LCMT1: variants seen among roughly 807,000 people sequenced by gnomAD.
LCMT1 encodes [Phosphatase 2A protein]-leucine-carboxy methyltransferase 1.
LCMT1 carries 32 observed loss-of-function variants against 47.7 expected under a neutral mutation model. The ratio of observed to expected loss-of-function variants is 0.67; its 90% confidence interval spans 0.51 to 0.90. LCMT1 has a LOEUF of 0.90. Ranked by LOEUF, LCMT1 falls within the 40% of genes least tolerant of loss-of-function variation. The probability of loss-of-function intolerance (pLI) is 0.00; values close to 1 mark genes in which losing one functional copy is unlikely to be tolerated. For synonymous variants in LCMT1, 152 were observed against 149.7 expected (o/e 1.02, Z -0.11); for missense variants, 375 against 415.2 (o/e 0.90, Z 0.84).
intron 4 of LCMT1, among the ~76,000 whole-genome samples, chr16:25,149,781 G>GGT (rs1961013642): frequency 6.6e-6 from 1 of 151,814 alleles, no homozygotes; most frequent in African/African-American, 2.4e-5. Context: ...AGGCATGTTG[G>GGT]GTGCATCTAT....
At chr16:25,152,845 G>C (rs759143191) in intron 5 of LCMT1, among the ~76,000 whole-genome samples, 1 of 152,116 alleles carries the variant, frequency 6.6e-6, no homozygotes, top group Non-Finnish European at 1.5e-5. Context: ...TTTTAATTAT[G>C]ACTGTGTCTT....
chr16:25,132,187 T>C (rs1960366854), intron 2 of LCMT1: 2 of 559,462 alleles, frequency 3.6e-6, no homozygotes, highest in Non-Finnish European at 6.5e-6. Context: ...AATTGCTTCA[T>C]GAAATAGATT....
chr16:25,136,076 G>A (rs2141657056), intron 3 of LCMT1, among the ~76,000 whole-genome samples: 1 of 142,574 alleles, frequency 7.0e-6, no homozygotes, highest in East Asian at 2.1e-4. Flanking sequence ...GGGTGTCCAA[G>A]CGAGATGCTG....
chr16:25,122,938 C>T (rs115506993), intron 1 of LCMT1, among the ~76,000 whole-genome samples: 1 of 152,064 alleles, frequency 6.6e-6, no homozygotes, highest in Non-Finnish European at 1.5e-5. Flanking sequence ...GCACTTGCCA[C>T]TGTGCCCAGC....
chr16:25,137,334 C>T (rs923711216), intron 3 of LCMT1, among the ~76,000 whole-genome samples: 4 of 150,806 alleles, frequency 2.7e-5, no homozygotes, highest in Non-Finnish European at 4.4e-5. Flanking sequence ...GCACCTGGCC[C>T]CCCTCAAGTA....
chr16:25,140,460 C>G (rs1016868717), intron 4 of LCMT1: 1 of 530,590 alleles, frequency 1.9e-6, no homozygotes, highest in Non-Finnish European at 3.4e-6. Context: ...ATCACAGGCT[C>G]TATGGCTCCC....
intron 4 of LCMT1, chr16:25,146,162 C>G (rs1463998535): frequency 6.6e-6 from 1 of 152,228 alleles, no homozygotes; most frequent in Non-Finnish European, 1.5e-5. Flanking sequence ...TCCCATTACC[C>G]TGCAATTGCA....
chr16:25,118,988 G>A (rs1959885221), intron 1 of LCMT1, among the ~76,000 whole-genome samples: 1 of 152,188 alleles, frequency 6.6e-6, no homozygotes, highest in African/African-American at 2.4e-5. Flanking sequence ...TAATAGCATT[G>A]CTTCAGCCTC....
intron 5 of LCMT1, among the ~76,000 whole-genome samples, chr16:25,158,635 A>C (rs183649261): frequency 6.6e-6 from 1 of 152,366 alleles, no homozygotes; most frequent in Non-Finnish European, 1.5e-5. Flanking sequence ...TGCCAGTGCT[A>C]GATTTTATAC....
chr16:25,175,349 C>T (rs141640854), intron 10 of LCMT1, among the ~76,000 whole-genome samples: 18 of 152,024 alleles, frequency 1.2e-4, no homozygotes, highest in Admixed American at 2.6e-4. Flanking sequence ...GTAGGCTGGG[C>T]GCGGGGTCTC....
chr16:25,122,914 T>C (rs1960036495), intron 1 of LCMT1, among the ~76,000 whole-genome samples: 1 of 152,094 alleles, frequency 6.6e-6, no homozygotes, highest in Non-Finnish European at 1.5e-5. Context: ...GTCTCCTGTG[T>C]AGCTGGGATA....
In LCMT1 at chr16:25,138,919, C is replaced by T. The variant is rs997263938; in HGVS notation, c.328-1252C>T. Among the ~76,000 whole-genome samples the T allele has an allele frequency of 2.6e-5, 4 of 151,920 alleles. No homozygotes were observed. The East Asian group carries it at 7.7e-4, about 29-fold the overall frequency. ...CAACCCCATAAAGTGTTAGCATTTT[C>T]TTCACTTTTCTCTTTTCTTTTTTTT... On this transcript the variant is annotated intron_variant, in intron 3 of 10. Coordinates refer to ENST00000399069, the MANE Select transcript of LCMT1 (RefSeq NM_016309.3).
chr16:25,142,569 A>G (rs1960726856), intron 4 of LCMT1: 1 of 152,202 alleles, frequency 6.6e-6, no homozygotes, highest in Non-Finnish European at 1.5e-5. Flanking sequence ...ACCTGAAGCT[A>G]TAATGCCGGA....
At chr16:25,160,391 C>A (rs1235187536) in intron 5 of LCMT1, among the ~76,000 whole-genome samples, 1 of 152,190 alleles carries the variant, frequency 6.6e-6, no homozygotes, top group Non-Finnish European at 1.5e-5. Flanking sequence ...ACCATTTCAT[C>A]CCACCTCTGC....
Position 25,151,574 on chromosome 16 carries a change from GC to G in LCMT1, c.429del (p.Ile144PhefsTer2), listed in dbSNP as rs1286391520. ...CATAGATGCAAGCCTCCCCTATCCA[GC>G]CCCATTCTAGAACTGCATTCAGAGG... ...HSIKCKPPLS[S>X]PILELHSEDT... On this transcript the variant is annotated frameshift_variant, in exon 5 of 11. Coordinates refer to ENST00000399069, the MANE Select transcript of LCMT1 (RefSeq NM_016309.3). LOFTEE classifies it high-confidence loss of function. 2 of 1,613,366 alleles carry G rather than the reference GC, an allele frequency of 1.2e-6. No individual in the cohort carries two copies.
intron 4 of LCMT1, among the ~76,000 whole-genome samples, chr16:25,150,254 C>T: frequency 6.9e-6 from 1 of 145,250 alleles, no homozygotes; most frequent in Admixed American, 7.0e-5. Context: ...TGCCCAAAGT[C>T]TTTTATCTAG....
At chr16:25,160,093 C>T (rs1336644455) in intron 5 of LCMT1, among the ~76,000 whole-genome samples, 2 of 152,020 alleles carry the variant, frequency 1.3e-5, no homozygotes, top group Non-Finnish European at 2.9e-5. Flanking sequence ...GGATTACAGG[C>T]ATGCGCCACC....
At chr16:25,173,745 A>G (rs533045333) in intron 9 of LCMT1, among the ~76,000 whole-genome samples, 17 of 151,286 alleles carry the variant, frequency 1.1e-4, no homozygotes, top group African/African-American at 3.4e-4. Flanking sequence ...GAGTCTTGCT[A>G]TGTTGCCTAG....
intron 9 of LCMT1, among the ~76,000 whole-genome samples, chr16:25,174,495 T>A (rs1210529154): frequency 3.9e-5 from 6 of 152,210 alleles, no homozygotes; most frequent in Non-Finnish European, 5.9e-5. Context: ...ACTTGCTTTT[T>A]AAATTCCATG....
Sources: gnomAD v4.1 joint callset for allele counts (sites outside exome capture counted in the v4.1 genomes callset) on GRCh38, gnomAD v4.1.1 for gene constraint, MANE v1.5 for transcripts, NCBI Gene and HGNC (gene_info 2026-07-23, HGNC 2026-07-21) for gene names.